The following NDUFAF6 variants were observed in gnomAD, a reference collection of about 807,000 sequenced individuals.
NDUFAF6 encodes NADH dehydrogenase (ubiquinone) complex I, assembly factor 6.
In NDUFAF6, 45 loss-of-function variants were observed where a neutral mutation model predicts 40.8. That is an observed-to-expected ratio of 1.10 (90% CI 0.87 to 1.42). The LOEUF is 1.42. Ranked by LOEUF, NDUFAF6 falls within the 40% of genes most tolerant of loss-of-function variation. NDUFAF6 has a pLI of 0.00. For synonymous variants in NDUFAF6, 185 were observed against 155.9 expected (o/e 1.19, Z -1.39); for missense variants, 435 against 418.5 (o/e 1.04, Z -0.34).
chr8:94,900,965 G>T (rs1254681963), intron 1 of NDUFAF6, among the ~76,000 whole-genome samples: 3 of 152,130 alleles, frequency 2.0e-5, no homozygotes, highest in Non-Finnish European at 2.9e-5. Flanking sequence ...AAGGGAGGGG[G>T]AATGTCATAG....
chr8:94,896,806 TG>T (rs1202522156), intron 1 of NDUFAF6: 2 of 152,204 alleles, frequency 1.3e-5, no homozygotes, highest in African/African-American at 4.8e-5. Context: ...ATGGGCGCTT[TG>T]GGGCGGGCGA....
chr8:95,003,132 A>G, intron 2 of NDUFAF6, among the ~76,000 whole-genome samples: 1 of 152,246 alleles, frequency 6.6e-6, no homozygotes, highest in East Asian at 1.9e-4. Flanking sequence ...TTCAGAAGCC[A>G]TAGCAGATCC....
intron 8 of NDUFAF6, among the ~76,000 whole-genome samples, chr8:95,053,470 A>G (rs1478491020): frequency 6.6e-6 from 1 of 152,162 alleles, no homozygotes; most frequent in Non-Finnish European, 1.5e-5. Context: ...TTCTGTGGAA[A>G]AAGGTGGTTC....
chr8:94,917,031 TACCC>T (rs1295053591), intron 1 of NDUFAF6, among the ~76,000 whole-genome samples: 1 of 139,876 alleles, frequency 7.1e-6, no homozygotes, highest in Non-Finnish European at 1.5e-5. Flanking sequence ...GAGAATCCTC[TACCC>T]AGGAGGCAGA....
chr8:95,041,007 T>C (rs928843430), intron 3 of NDUFAF6: 2 of 152,370 alleles, frequency 1.3e-5, no homozygotes, highest in African/African-American at 4.8e-5. Flanking sequence ...GGAGTTTTAG[T>C]TACTCTATTT....
At chr8:94,999,216 C>T (rs1320629019) in intron 2 of NDUFAF6, among the ~76,000 whole-genome samples, 3 of 151,342 alleles carry the variant, frequency 2.0e-5, no homozygotes, top group African/African-American at 7.3e-5. Context: ...CTCCGCCTCC[C>T]TGGTTAAAGC....
In NDUFAF6 at chr8:95,019,669, C is replaced by A. The variant is rs185096092; in HGVS notation, c.-83-12326C>A. On this transcript the variant is annotated intron_variant, in intron 2 of 9. Transcript: ENST00000396111. Reference sequence around the variant, plus strand: ...AGTGAAATGAATAAAACTGCAATTGCATAACATAGTGACCACTTTGCCTCT... The same window carrying A: ...AGTGAAATGAATAAAACTGCAATTGAATAACATAGTGACCACTTTGCCTCT... Among the ~76,000 whole-genome samples, 229 of 152,304 alleles carry A rather than the reference C, an allele frequency of 1.5e-3. 1 individual carries two copies. Among genetic ancestry groups the A allele is most frequent in the Non-Finnish European group, 2.7e-3 (186 of 68,022 alleles).
chr8:95,026,371 C>T (rs1393725036), intron 1 of NDUFAF6, among the ~76,000 whole-genome samples: 1 of 152,056 alleles, frequency 6.6e-6, no homozygotes, highest in East Asian at 1.9e-4. Flanking sequence ...CAGAGGCTGA[C>T]GTGGGAGGAT....
At chr8:95,040,744 GGCT>G (rs1830053611) in intron 3 of NDUFAF6, 3 of 152,212 alleles carry the variant, frequency 2.0e-5, no homozygotes, top group Admixed American at 2.0e-4. Context: ...CCTTCACAGC[GGCT>G]GCTATGTCCT....
downstream of NDUFAF6, among the ~76,000 whole-genome samples, chr8:95,076,898 G>A (rs1808646620): frequency 1.4e-5 from 2 of 146,122 alleles, no homozygotes; most frequent in South Asian, 4.4e-4. Context: ...AAAATTCATA[G>A]CACCTGGTTT....
intron 1 of NDUFAF6, among the ~76,000 whole-genome samples, chr8:94,901,854 G>C (rs1311458258): frequency 3.3e-5 from 5 of 152,144 alleles, no homozygotes; most frequent in Non-Finnish European, 2.9e-5. Flanking sequence ...CAAAGTGCTG[G>C]GATTGCAGGC....
upstream of NDUFAF6, among the ~76,000 whole-genome samples, chr8:95,099,181 A>G (rs6992774): frequency 0.23 from 34,385 of 151,886 alleles, 4,885 homozygotes; most frequent in African/African-American, 0.4. Flanking sequence ...TTGAGGCTGC[A>G]GTGAGCTGTG....
At chr8:94,975,801 T>A (rs1824866276) in intron 1 of NDUFAF6, 1 of 152,358 alleles carries the variant, frequency 6.6e-6, no homozygotes, top group African/African-American at 2.4e-5. Context: ...AATTATAATG[T>A]GCTGTTATTT....
intron 1 of NDUFAF6, among the ~76,000 whole-genome samples, chr8:94,907,808 C>T (rs899199356): frequency 1.4e-4 from 13 of 90,012 alleles, no homozygotes; most frequent in Non-Finnish European, 1.6e-4. Flanking sequence ...GCTGATTCAA[C>T]CTTTCTTTTA....
chr8:94,904,804 C>A (rs1280167971), intron 1 of NDUFAF6, among the ~76,000 whole-genome samples: 1 of 152,042 alleles, frequency 6.6e-6, no homozygotes, highest in Non-Finnish European at 1.5e-5. Flanking sequence ...TCCTGACCAC[C>A]CCTTCCTTGA....
chr8:95,042,530 A>AG (rs1288370630), intron 4 of NDUFAF6, among the ~76,000 whole-genome samples: 4 of 152,164 alleles, frequency 2.6e-5, no homozygotes, highest in Admixed American at 6.5e-5. Context: ...TGGCTTTTGA[A>AG]GGGGGGGATA....
rs1214497350 is a variant in NDUFAF6 at position 94,984,760 on chromosome 8, T to C, written c.-84+3787T>C. ...AGAATTTCAGGTTGAGGGAACTTCA[T>C]GTACACGGATGGGAGAGAAGAAGGT... On this transcript the variant is annotated intron_variant, in intron 2 of 9. Transcript: ENST00000396111. 2.0e-5 allele frequency among the ~76,000 whole-genome samples: 3 copies of C among 152,204 alleles called. No homozygotes were observed. The East Asian group carries it at 5.8e-4, about 29-fold the overall frequency.
At chr8:95,027,632 TCTTAC>T (rs1376442693) in intron 1 of NDUFAF6, among the ~76,000 whole-genome samples, 1 of 151,634 alleles carries the variant, frequency 6.6e-6, no homozygotes, top group Non-Finnish European at 1.5e-5. Context: ...AAATGTTTAC[TCTTAC>T]CTTATAGCCT....
intron 1 of NDUFAF6, among the ~76,000 whole-genome samples, chr8:94,968,315 A>G (rs942743035): frequency 3.3e-5 from 5 of 152,244 alleles, no homozygotes; most frequent in Admixed American, 1.3e-4. Context: ...ACTGCTTACC[A>G]CAATATTCTA....
Sources: allele counts gnomAD v4.1 joint callset (sites outside exome capture counted in the v4.1 genomes callset), GRCh38; gene constraint gnomAD v4.1.1; transcripts MANE v1.5; gene names NCBI Gene and HGNC (gene_info 2026-07-23, HGNC 2026-07-21).